The following RERG variants were observed in gnomAD, a reference collection of about 807,000 sequenced individuals.
RERG encodes RAS like estrogen regulated growth inhibitor, also known as ras-related and estrogen-regulated growth inhibitor.
In RERG, 25 loss-of-function variants were observed where a neutral mutation model predicts 23.2. The observed-to-expected ratio is 1.08, with a 90% CI of 0.79 to 1.50. The LOEUF (loss-of-function observed/expected upper bound fraction) is 1.50, where lower values mean the gene tolerates loss of function less well. Among genes scored for constraint, RERG ranks in the 40% most tolerant of loss-of-function variants. The pLI is 0.00. For synonymous variants in RERG, 81 were observed against 89.1 expected (o/e 0.91, Z 0.51); for missense variants, 253 against 250.1 (o/e 1.01, Z -0.08).
chr12:15,217,100 C>G, intron 2 of RERG: 1 of 219,504 alleles, frequency 4.6e-6, no homozygotes, highest in East Asian at 1.1e-4. Context: ...CTCAAGATCT[C>G]ATACATAGAG....
chr12:15,210,967 T>C (rs1231698890), intron 2 of RERG, among the ~76,000 whole-genome samples: 3 of 152,216 alleles, frequency 2.0e-5, no homozygotes, highest in Non-Finnish European at 2.9e-5. Flanking sequence ...AAAACAATTA[T>C]TCCTCTAACC....
intron 2 of RERG, among the ~76,000 whole-genome samples, chr12:15,200,474 T>A (rs1478357420): frequency 6.6e-6 from 1 of 152,062 alleles, no homozygotes; most frequent in Non-Finnish European, 1.5e-5. Context: ...TCATCGTTTT[T>A]AACAATATTT....
intron 2 of RERG, among the ~76,000 whole-genome samples, chr12:15,121,545 G>A (rs113111607): frequency 6.7e-4 from 102 of 152,294 alleles, no homozygotes; most frequent in African/African-American, 2.3e-3. Flanking sequence ...TGTAATGAAA[G>A]CTCACTAGCA....
intron 2 of RERG, among the ~76,000 whole-genome samples, chr12:15,177,839 G>GT (rs11304470): frequency 0.13 from 14,544 of 112,784 alleles, 866 homozygotes; most frequent in Middle Eastern, 0.17. Context: ...CCCTCTGTTT[G>GT]TTTTTTTTTT....
intron 2 of RERG, among the ~76,000 whole-genome samples, chr12:15,174,243 G>A (rs1036247254): frequency 5.9e-5 from 9 of 151,750 alleles, no homozygotes; most frequent in Non-Finnish European, 1.2e-4. Flanking sequence ...CATCAGCCCC[G>A]GTAAAAAGTA....
At chr12:15,207,309 G>A (rs1865305528) in intron 2 of RERG, among the ~76,000 whole-genome samples, 2 of 152,054 alleles carry the variant, frequency 1.3e-5, no homozygotes, top group Admixed American at 6.6e-5. Flanking sequence ...GATGCACCAG[G>A]AGAATTGATT....
At chr12:15,110,732 C>A (rs897107106) in intron 4 of RERG, among the ~76,000 whole-genome samples, 4 of 151,992 alleles carry the variant, frequency 2.6e-5, no homozygotes, top group Non-Finnish European at 5.9e-5. Context: ...CCAGCCTTGG[C>A]CTCCCAAAGT....
intron 2 of RERG, among the ~76,000 whole-genome samples, chr12:15,143,926 T>C (rs2136103727): frequency 6.6e-6 from 1 of 152,126 alleles, no homozygotes; most frequent in Admixed American, 6.5e-5. Flanking sequence ...GACAGAATGT[T>C]CCAGGCAGAA....
intron 3 of RERG, among the ~76,000 whole-genome samples, chr12:15,118,437 C>A (rs2136086692): frequency 6.6e-6 from 1 of 152,248 alleles, no homozygotes; most frequent in African/African-American, 2.4e-5. Context: ...TTCAAGACTG[C>A]TTCTTGTATA....
chr12:15,183,363 T>C (rs1336314494), intron 2 of RERG, among the ~76,000 whole-genome samples: 13 of 148,232 alleles, frequency 8.8e-5, no homozygotes, highest in Non-Finnish European at 1.5e-5. Flanking sequence ...GTAATCAATT[T>C]AGTTTCAATT....
chr12:15,198,778 G>A (rs1865178798), intron 2 of RERG, among the ~76,000 whole-genome samples: 1 of 152,080 alleles, frequency 6.6e-6, no homozygotes, highest in South Asian at 2.1e-4. Flanking sequence ...TATCCTCAAA[G>A]CCAGTAACCT....
At chr12:15,118,171 T>A (rs1342786773) in intron 3 of RERG, among the ~76,000 whole-genome samples, 26 of 152,118 alleles carry the variant, frequency 1.7e-4, no homozygotes, top group Admixed American at 1.7e-3. Flanking sequence ...GCATCCCTAA[T>A]TGAATTATTA....
chr12:15,172,153 C>T (rs1240331081), intron 2 of RERG, among the ~76,000 whole-genome samples: 2 of 152,086 alleles, frequency 1.3e-5, no homozygotes, highest in Non-Finnish European at 2.9e-5. Context: ...CCCATCCATC[C>T]CCAGCCCTAG....
intron 2 of RERG, among the ~76,000 whole-genome samples, chr12:15,167,657 T>G (rs1162312342): frequency 6.6e-6 from 1 of 152,226 alleles, no homozygotes; most frequent in East Asian, 1.9e-4. Context: ...GGAATGGAGA[T>G]ACTTTAAAAA....
chr12:15,166,964 G>C (rs1273808233), intron 2 of RERG, among the ~76,000 whole-genome samples: 1 of 151,878 alleles, frequency 6.6e-6, no homozygotes, highest in Non-Finnish European at 1.5e-5. Flanking sequence ...CTAAGATTCA[G>C]TTTTGCTATA....
intron 2 of RERG, among the ~76,000 whole-genome samples, chr12:15,171,756 T>C (rs2136122319): frequency 6.6e-6 from 1 of 152,276 alleles, no homozygotes; most frequent in South Asian, 2.1e-4. Flanking sequence ...ATTTCATAAG[T>C]GATGTATTTC....
At chr12:15,220,182 A>G (rs1865494293) in intron 1 of RERG, among the ~76,000 whole-genome samples, 2 of 152,190 alleles carry the variant, frequency 1.3e-5, no homozygotes, top group Admixed American at 1.3e-4. Context: ...CCATACGTGG[A>G]TCTAAGAAAA....
chr12:15,217,287 G>T, intron 2 of RERG, 142 bp downstream of exon 2: 1 of 652,654 alleles, frequency 1.5e-6, no homozygotes, highest in Non-Finnish European at 2.8e-6. Context: ...AAAAGTTCTA[G>T]ATGAAGAGAC....
chr12:15,158,149 T>G (rs1864550110), intron 2 of RERG, among the ~76,000 whole-genome samples: 1 of 152,176 alleles, frequency 6.6e-6, no homozygotes, highest in Non-Finnish European at 1.5e-5. Context: ...TTGAATTTCT[T>G]CAATTGTCCC....
Sources: allele counts gnomAD v4.1 joint callset (sites outside exome capture counted in the v4.1 genomes callset), GRCh38; gene constraint gnomAD v4.1.1; transcripts MANE v1.5; gene names NCBI Gene and HGNC (gene_info 2026-07-23, HGNC 2026-07-21).